Variants in USP24 observed in about 807,000 individuals in gnomAD.
USP24 encodes ubiquitin carboxyl-terminal hydrolase 24.
USP24 carries 97 observed loss-of-function variants against 361.6 expected under a neutral mutation model. The ratio of observed to expected loss-of-function variants is 0.27; its 90% CI spans 0.23 to 0.32. The LOEUF (loss-of-function observed/expected upper bound fraction) is 0.32. USP24 is among the 10% of genes least tolerant of loss of function. The probability of loss-of-function intolerance (pLI) is 1.00; values close to 1 mark genes in which losing one functional copy is unlikely to be tolerated. For synonymous variants in USP24, 1,098 were observed against 1,124.6 expected, an observed-to-expected ratio of 0.98 and a Z score of 0.47; for missense variants, 2,353 against 3,165.6, an observed-to-expected ratio of 0.74 and a Z score of 6.16.
chr1:55,100,634 T>C (rs551787344), intron 44 of USP24, among the ~76,000 whole-genome samples: 1 of 152,118 alleles, frequency 6.6e-6, no homozygotes, highest in African/African-American at 2.4e-5. Context: ...GATGAGCAAA[T>C]TCCTAGGAAT....
chr1:55,214,647 T>TTCTC, intron 1 of USP24, 143 bp downstream of exon 1: 1 of 690,630 alleles, frequency 1.4e-6, no homozygotes, highest in Non-Finnish European at 1.9e-6. Flanking sequence ...AGCCTGGGGC[T>TTCTC]TCTCTCTCTC....
At chr1:55,120,486 A>C in intron 38 of USP24, 110 bp downstream of exon 38, 1 of 1,285,872 alleles carries the variant, frequency 7.8e-7, no homozygotes, top group Non-Finnish European at 1.0e-6. Context: ...AGAAGAAGAA[A>C]GAAATTCTAG....
intron 67 of USP24, chr1:55,071,354 T>C: frequency 1.0e-6 from 1 of 991,910 alleles, no homozygotes; most frequent in Non-Finnish European, 1.2e-6. Flanking sequence ...TTTTTTTTTC[T>C]TTTTTTAAAA....
At chr1:55,082,673 C>CTACCA (rs1441741510) in intron 58 of USP24, among the ~76,000 whole-genome samples, 1 of 152,116 alleles carries the variant, frequency 6.6e-6, no homozygotes, top group Admixed American at 6.6e-5. Flanking sequence ...ATAGTCCCAG[C>CTACCA]TACCAGGGGG....
At chr1:55,206,059 A>G (rs892197477) in intron 1 of USP24, among the ~76,000 whole-genome samples, 1 of 152,252 alleles carries the variant, frequency 6.6e-6, no homozygotes, top group African/African-American at 2.4e-5. Flanking sequence ...CCTGAACAGA[A>G]AGGTACAGTC....
At chr1:55,209,725 G>A (rs1288233958) in intron 1 of USP24, among the ~76,000 whole-genome samples, 3 of 152,056 alleles carry the variant, frequency 2.0e-5, no homozygotes, top group African/African-American at 4.8e-5. Context: ...ATGCATGTAC[G>A]AAGGTGTTCT....
chr1:55,168,942 C>T (rs1380202717), intron 5 of USP24, among the ~76,000 whole-genome samples: 6 of 151,442 alleles, frequency 4.0e-5, no homozygotes, highest in Admixed American at 2.6e-4. Context: ...TATGAGTTCA[C>T]AGAAAAATGA....
rs761788776 is a variant in USP24 at position 55,143,118 on chromosome 1, T to C, written c.2441A>G (p.Tyr814Cys). Reference protein sequence around the residue: ...HRLKRQGAQLYVEKLELIGMD... With the variant: ...HRLKRQGAQLCVEKLELIGMD... ...TCCTATCAATTCCAGCTTTTCTACA[T>C]ACTGTTCAAAAGAAAAAAAATTAAA... Residue 814 changes from tyrosine to cysteine, a missense_variant and splice_region_variant, in exon 22 of 68, where the codon TAT (tyrosine) becomes TGT (cysteine). Tyr to Cys is a radical substitution (Grantham distance 194). Coordinates refer to ENST00000294383, the MANE Select transcript of USP24 (RefSeq NM_015306.3). The C allele has an allele frequency of 9.4e-6, 14 of 1,496,892 alleles. No homozygotes were observed. Among genetic ancestry groups the C allele is most frequent in the Non-Finnish European group, 1.2e-5 (13 of 1,130,392 alleles). The allele number at this position is 1,496,892 out of a possible 1,614,324, so 92.7% of individuals were successfully genotyped here.
At position 55,106,252 on chromosome 1, in the gene USP24, T is replaced by C. The variant is rs774714236; in HGVS notation, c.4774A>G (p.Ile1592Val). 3.1e-6 allele frequency: 5 copies of C among 1,607,390 alleles called. No homozygotes were observed. In the East Asian group the frequency reaches 8.9e-5, roughly 29 times the overall value. Residue 1592 changes from isoleucine to valine, a missense_variant, in exon 41 of 68, where the codon ATT becomes GTT. By Grantham distance (29) the Ile-to-Val change is conservative. Coordinates refer to ENST00000294383, the MANE Select transcript of USP24 (RefSeq NM_015306.3). ...AGGAAGTCATCTAACAATGGTTTAA[T>C]GAGTGATGAACCTGGAATAGAGCAT... is the stretch of plus-strand genomic sequence containing the variant. ...AEKEMLGSSL[I>V]KPLLDDFLFR...
At chr1:55,159,745 A>G in intron 8 of USP24, 60 bp from the exon 9 acceptor site, 1 of 1,418,030 alleles carries the variant, frequency 7.1e-7, no homozygotes, top group Non-Finnish European at 9.7e-7. Flanking sequence ...GTAGAGAGAG[A>G]ATACTTCTTC....
chr1:55,134,498 T>C lies in USP24; in HGVS notation c.3202-85A>G, dbSNP rs543843482. ...TCAAACTTACAAACAATAAAAATAC[T>C]AGTTCTGAAAGGCTGGCTGGTCACT... is the stretch of plus-strand genomic sequence containing the variant. On this transcript the variant is annotated intron_variant, in intron 28 of 67. Coordinates refer to ENST00000294383, the MANE Select transcript of USP24 (RefSeq NM_015306.3). 912 of 1,226,800 alleles carry C rather than the reference T, an allele frequency of 7.4e-4. 13 individuals are homozygous for C. The South Asian group carries it at 0.011, about 15-fold the overall frequency. The allele number at this position is 1,226,800 out of a possible 1,614,324, so 76.0% of individuals were successfully genotyped here. A position where few individuals can be genotyped will look rare whatever the true frequency, so the allele number is the denominator to read the frequency against.
At chr1:55,132,185 A>T (rs1646612778) in intron 31 of USP24, among the ~76,000 whole-genome samples, 1 of 152,204 alleles carries the variant, frequency 6.6e-6, no homozygotes, top group African/African-American at 2.4e-5. Context: ...GTGAGGTCAC[A>T]GTGAGACGGT....
intron 8 of USP24, among the ~76,000 whole-genome samples, chr1:55,160,302 C>T (rs1454951473): frequency 6.6e-6 from 1 of 152,222 alleles, no homozygotes; most frequent in Non-Finnish European, 1.5e-5. Context: ...AATACATTAG[C>T]AATGAGCTAA....
chr1:55,193,321 T>A (rs949450917), intron 1 of USP24, among the ~76,000 whole-genome samples: 11 of 152,054 alleles, frequency 7.2e-5, no homozygotes, highest in Admixed American at 5.9e-4. Flanking sequence ...GATTTTGGTA[T>A]CCCCAAGGGG....
At chr1:55,148,208 A>C (rs745795450) in intron 17 of USP24, among the ~76,000 whole-genome samples, 4 of 151,964 alleles carry the variant, frequency 2.6e-5, no homozygotes, top group Admixed American at 6.6e-5. Flanking sequence ...TGCCATTCTA[A>C]CTTTTAAAAA....
intron 1 of USP24, 52 bp downstream of exon 1, chr1:55,214,737 AG>A: frequency 8.7e-7 from 1 of 1,143,800 alleles, no homozygotes. Context: ...GTCCCCTCCC[AG>A]GAACTCCAGC....
At chr1:55,194,865 AGTCT>A (rs1306091610) in intron 1 of USP24, among the ~76,000 whole-genome samples, 1 of 152,148 alleles carries the variant, frequency 6.6e-6, no homozygotes, top group East Asian at 1.9e-4. Flanking sequence ...TCTTCTGAAT[AGTCT>A]GTCCTAGCCA....
chr1:55,070,300 AAT>A (rs1644894999), intron 67 of USP24, among the ~76,000 whole-genome samples: 1 of 152,014 alleles, frequency 6.6e-6, no homozygotes, highest in Admixed American at 6.6e-5. Flanking sequence ...GTGCGGAGAG[AAT>A]ATGGAGTGAG....
intron 1 of USP24, among the ~76,000 whole-genome samples, chr1:55,200,330 A>G (rs999792830): frequency 6.6e-6 from 1 of 152,206 alleles, no homozygotes; most frequent in Non-Finnish European, 1.5e-5. Flanking sequence ...AAGCAATCCA[A>G]GTGACTCTGA....
Sources: gnomAD v4.1 joint callset for allele counts (sites outside exome capture counted in the v4.1 genomes callset) on GRCh38, gnomAD v4.1.1 for gene constraint, MANE v1.5 for transcripts, NCBI Gene and HGNC (gene_info 2026-07-23, HGNC 2026-07-21) for gene names.